ENPP1: variants seen among roughly 807,000 people sequenced by gnomAD.
ENPP1 encodes ectonucleotide pyrophosphatase/phosphodiesterase family member 1.
A neutral mutation model predicts 122.8 loss-of-function variants in ENPP1; 73 were observed. The ratio of observed to expected loss-of-function variants is 0.59; its 90% CI spans 0.49 to 0.72. The LOEUF (loss-of-function observed/expected upper bound fraction) is 0.72. Among genes scored for constraint, ENPP1 ranks in the 30% least tolerant of loss-of-function variants. The pLI, the probability that ENPP1 is intolerant of heterozygous loss-of-function variation, is 0.00. For missense variants in ENPP1, 978 were observed against 1,128.1 expected (o/e 0.87, Z 1.91); for synonymous variants, 367 against 391.6 (o/e 0.94, Z 0.74).
chr6:131,852,288 A>AT, intron 5 of ENPP1, 53 bp downstream of exon 5: 1 of 1,066,470 alleles, frequency 9.4e-7, no homozygotes, highest in Non-Finnish European at 1.4e-6. Flanking sequence ...GTACAGCATC[A>AT]TTTTTTTCTT....
In ENPP1 at chr6:131,851,231, G is replaced by A. The variant is rs1781876814; in HGVS notation, c.520G>A (p.Gly174Ser). Residue 174 changes from glycine to serine, a missense_variant, in exon 4 of 25, where the codon GGC becomes AGC. Around this residue, in one of 3 missense-constraint regions of ENPP1, gnomAD observed 330 missense variants for 328.5 expected, o/e 1.00. Transcript: ENST00000647893. Reference protein sequence around the residue: ...CACSDDCKDKGDCCINYSSVC... With the variant: ...CACSDDCKDKSDCCINYSSVC... ...CTGTTCAGATGACTGCAAGGACAAGGGCGACTGCTGCATCAACTACAGTTC... is the reference window on the plus strand; with the variant it reads ...CTGTTCAGATGACTGCAAGGACAAGAGCGACTGCTGCATCAACTACAGTTC... 6.2e-7 allele frequency: 1 copy of A among 1,613,980 alleles called. No individual in the cohort carries two copies.
intron 1 of ENPP1, among the ~76,000 whole-genome samples, chr6:131,842,214 C>G (rs1296096463): frequency 6.6e-6 from 1 of 152,176 alleles, no homozygotes; most frequent in Non-Finnish European, 1.5e-5. Flanking sequence ...TAATATAAAA[C>G]TCTTAGAAAA....
chr6:131,827,243 C>T, intron 1 of ENPP1: 1 of 1,082,848 alleles, frequency 9.2e-7, no homozygotes, highest in South Asian at 1.3e-5. Flanking sequence ...TCAGTTTGTT[C>T]TCACTGACCT....
Position 131,851,432 on chromosome 6 carries a change from A to G in ENPP1, c.556+165A>G, listed in dbSNP as rs981210512. The G allele has an allele frequency of 1.5e-5, 11 of 746,270 alleles. No homozygotes were observed. In the African/African-American group the frequency reaches 1.9e-4, roughly 13 times the overall value. The allele number at this position is 746,270 out of a possible 1,614,324, so 46.2% of individuals were successfully genotyped here. ...TTATTAAAGAAACTTTTAAACATACACATGGGGAGAGAGAGTATGTAATGA... is the reference window on the plus strand; with the variant it reads ...TTATTAAAGAAACTTTTAAACATACGCATGGGGAGAGAGAGTATGTAATGA... On this transcript the variant is annotated intron_variant, in intron 4 of 24. Coordinates refer to ENST00000647893, the MANE Select transcript of ENPP1 (RefSeq NM_006208.3).
At chr6:131,890,225 C>A (rs9493118) in intron 24 of ENPP1, 116 bp from the exon 25 acceptor site, 1 of 821,380 alleles carries the variant, frequency 1.2e-6, no homozygotes, top group South Asian at 1.4e-5. Flanking sequence ...TCATGTGGCA[C>A]GTTCCACTTC....
intron 1 of ENPP1, among the ~76,000 whole-genome samples, chr6:131,811,229 T>G (rs1781345775): frequency 6.6e-6 from 1 of 152,202 alleles, no homozygotes; most frequent in Non-Finnish European, 1.5e-5. Flanking sequence ...TTGTGTTGTT[T>G]GTGACCTTCT....
intron 19 of ENPP1, 127 bp from the exon 20 acceptor site, chr6:131,879,752 GT>G (rs1175145478): frequency 3.3e-5 from 28 of 842,142 alleles, no homozygotes; most frequent in Admixed American, 4.3e-5. Context: ...TTTGTAATCA[GT>G]TTTTTTAATA....
At position 131,883,578 on chromosome 6, in the gene ENPP1, A is replaced by G. The variant is rs529577770; in HGVS notation, c.2231-116A>G. ...TTGACCCTGTACTTGGGAAAGTTTT[A>G]CAGGTTTAAGATGGTACTCAGCTAA... On this transcript the variant is annotated intron_variant, in intron 21 of 24. Coordinates refer to ENST00000647893, the MANE Select transcript of ENPP1 (RefSeq NM_006208.3). 4 of 626,882 alleles carry G rather than the reference A, an allele frequency of 6.4e-6. No homozygotes were observed. In the South Asian group the frequency reaches 7.8e-5, roughly 12 times the overall value. The allele number at this position is 626,882 out of a possible 1,614,324, so 38.8% of individuals were successfully genotyped here. A position where few individuals can be genotyped will look rare whatever the true frequency, so the allele number is the denominator to read the frequency against.
chr6:131,892,049 C>T lies in ENPP1; in HGVS notation c.*1538C>T, dbSNP rs995469530. ...TCTACGTTTTCATTTGTTTCAAGTG[C>T]ATTTATACTTGCTTGTTGAAGAATT... On this transcript the variant is annotated 3_prime_UTR_variant, in exon 25 of 25. Transcript: ENST00000647893. 4 of 152,018 alleles carry T rather than the reference C, an allele frequency of 2.6e-5. No homozygotes were observed. Among genetic ancestry groups the T allele is most frequent in the African/African-American group, 9.7e-5 (4 of 41,392 alleles). The allele number at this position is 152,018 out of a possible 1,614,324, so 9.4% of individuals were successfully genotyped here. A position where few individuals can be genotyped will look rare whatever the true frequency, so the allele number is the denominator to read the frequency against.
At chr6:131,866,028 G>C (rs1585828010) in intron 11 of ENPP1, among the ~76,000 whole-genome samples, 1 of 151,224 alleles carries the variant, frequency 6.6e-6, no homozygotes, top group African/African-American at 2.4e-5. Context: ...AAAATGATTT[G>C]AGCATATTTC....
chr6:131,888,300 A>C (rs568989586), intron 24 of ENPP1, among the ~76,000 whole-genome samples: 2 of 148,218 alleles, frequency 1.3e-5, no homozygotes, highest in African/African-American at 5.0e-5. Context: ...AAAAAGATGT[A>C]GCTTTCATAC....
chr6:131,851,449 A>C, intron 4 of ENPP1, 182 bp downstream of exon 4: 1 of 652,298 alleles, frequency 1.5e-6, no homozygotes. Context: ...GAGAGAGAGT[A>C]TGTAATGAAC....
intron 1 of ENPP1, among the ~76,000 whole-genome samples, chr6:131,825,695 AAG>A (rs1462908901): frequency 1.3e-5 from 2 of 152,202 alleles, no homozygotes; most frequent in Non-Finnish European, 2.9e-5. Context: ...GACAAATTAA[AAG>A]AGTTAAGATA....
At chr6:131,845,122 G>A (rs1183375453) in intron 1 of ENPP1, among the ~76,000 whole-genome samples, 3 of 131,930 alleles carry the variant, frequency 2.3e-5, no homozygotes, top group African/African-American at 9.0e-5. Flanking sequence ...GCAGTGGTGC[G>A]ATCTTGGCTC....
At chr6:131,824,168 A>C (rs1781515850) in intron 1 of ENPP1, among the ~76,000 whole-genome samples, 1 of 152,088 alleles carries the variant, frequency 6.6e-6, no homozygotes, top group East Asian at 1.9e-4. Context: ...GATTATCTCA[A>C]GTTGCAGCTG....
At position 131,873,135 on chromosome 6, in the gene ENPP1, T is replaced by A; in HGVS notation, c.1565+85T>A. 4 of 1,423,934 alleles carry A rather than the reference T, an allele frequency of 2.8e-6. No individual in the cohort carries two copies. The South Asian group carries it at 4.6e-5, about 16-fold the overall frequency. 88.2% of individuals were successfully genotyped at this position (1,423,934 alleles called of 1,614,324 possible). A position where few individuals can be genotyped will look rare whatever the true frequency, so the allele number is the denominator to read the frequency against. ...CATTGGGCCCTTTCTAACAATATTG[T>A]TATGTGAAAACTGTATAAGTATGAT... is the stretch of plus-strand genomic sequence containing the variant. On this transcript the variant is annotated intron_variant, in intron 15 of 24. Transcript: ENST00000647893.
At chr6:131,810,807 T>A (rs1256764948) in intron 1 of ENPP1, among the ~76,000 whole-genome samples, 1 of 152,172 alleles carries the variant, frequency 6.6e-6, no homozygotes, top group Non-Finnish European at 1.5e-5. Flanking sequence ...TCAGATAAAC[T>A]AAAATGATGT....
intron 1 of ENPP1, among the ~76,000 whole-genome samples, chr6:131,834,591 C>T (rs1781651017): frequency 2.7e-5 from 4 of 147,866 alleles, no homozygotes; most frequent in African/African-American, 7.5e-5. Context: ...AGTGCAGTGG[C>T]GTGATCTCAG....
chr6:131,818,148 A>G (rs1781439929), intron 1 of ENPP1, among the ~76,000 whole-genome samples: 1 of 152,120 alleles, frequency 6.6e-6, no homozygotes, highest in Non-Finnish European at 1.5e-5. Flanking sequence ...AGAGAATTGA[A>G]AAGAAACTCA....
Sources: gnomAD v4.1 joint callset for allele counts (sites outside exome capture counted in the v4.1 genomes callset) on GRCh38, gnomAD v4.1.1 for gene constraint, gnomAD v4.1.1 regional missense constraint, MANE v1.5 for transcripts, NCBI Gene and HGNC (gene_info 2026-07-23, HGNC 2026-07-21) for gene names.